The following PANK1 variants were observed in gnomAD, a reference collection of about 807,000 sequenced individuals.
PANK1 encodes the protein pantothenic acid kinase 1.
PANK1 carries 18 observed loss-of-function variants against 40.1 expected under a neutral mutation model. The ratio of observed to expected loss-of-function variants is 0.45; its 90% confidence interval spans 0.31 to 0.67. The LOEUF is 0.67. PANK1 is among the 30% of genes least tolerant of loss of function. The probability of loss-of-function intolerance (pLI) is 0.06; values close to 1 mark genes in which losing one functional copy is unlikely to be tolerated. For missense variants in PANK1, 457 were observed against 599.6 expected, an observed-to-expected ratio of 0.76 and a Z score of 2.48; for synonymous variants, 242 against 237.7, an observed-to-expected ratio of 1.02 and a Z score of -0.17.
intron 3 of PANK1, among the ~76,000 whole-genome samples, chr10:89,597,534 C>T (rs1440759531): frequency 1.3e-5 from 2 of 152,198 alleles, no homozygotes; most frequent in Non-Finnish European, 2.9e-5. Context: ...TATTTATAGA[C>T]ATTATTACAC....
At chr10:89,607,885 G>A (rs1316104765) in intron 2 of PANK1, among the ~76,000 whole-genome samples, 2 of 152,056 alleles carry the variant, frequency 1.3e-5, no homozygotes. Context: ...CTTTTTAAAT[G>A]GTGGGAGTTC....
chr10:89,642,924 T>C (rs1406693334), intron 1 of PANK1, among the ~76,000 whole-genome samples: 1 of 152,200 alleles, frequency 6.6e-6, no homozygotes, highest in Non-Finnish European at 1.5e-5. Flanking sequence ...GTAAGAAACA[T>C]AAACCACTTT....
rs545241256 is a variant in PANK1, at chr10:89,583,483, G to A, written c.*923C>T. On this transcript the variant is annotated 3_prime_UTR_variant, in exon 7 of 7. Coordinates refer to ENST00000307534, the MANE Select transcript of PANK1 (RefSeq NM_148977.3). ...CTGATATGAACAATTAATCTACTGG[G>A]AGGCTTTTCCCAATAAGTTTCAAAT... 5 of 152,222 alleles carry A rather than the reference G, an allele frequency of 3.3e-5. No homozygotes were observed. Among genetic ancestry groups the A allele is most frequent in the Admixed American group, 6.5e-5 (1 of 15,292 alleles). The allele number at this position is 152,222 out of a possible 1,614,324, so 9.4% of individuals were successfully genotyped here.
At chr10:89,640,406 CACACACACAA>C (rs2133036252) in intron 1 of PANK1, among the ~76,000 whole-genome samples, 1 of 151,940 alleles carries the variant, frequency 6.6e-6, no homozygotes, top group South Asian at 2.1e-4. Context: ...CACACACACA[CACACACACAA>C]ACACACACAC....
chr10:89,633,808 C>A (rs755262191), intron 1 of PANK1, among the ~76,000 whole-genome samples: 1 of 152,162 alleles, frequency 6.6e-6, no homozygotes, highest in Non-Finnish European at 1.5e-5. Context: ...ATCATTAAAT[C>A]TCAGAGTTCA....
At chr10:89,631,598 T>C (rs981738830) in intron 1 of PANK1, among the ~76,000 whole-genome samples, 1 of 152,208 alleles carries the variant, frequency 6.6e-6, no homozygotes, top group Non-Finnish European at 1.5e-5. Flanking sequence ...TGTTCTTTAG[T>C]TCTTAATCTA....
chr10:89,639,292 T>C (rs751658258), intron 1 of PANK1: 3 of 428,972 alleles, frequency 7.0e-6, no homozygotes, highest in African/African-American at 2.0e-5. Context: ...CCTTTTACAA[T>C]TGGCATTAAC....
At chr10:89,641,037 T>C (rs1216996884) in intron 1 of PANK1, among the ~76,000 whole-genome samples, 1 of 152,210 alleles carries the variant, frequency 6.6e-6, no homozygotes, top group Non-Finnish European at 1.5e-5. Flanking sequence ...GTACAATTCA[T>C]AGCTTAATTG....
chr10:89,588,913 C>T (rs1410183761), intron 5 of PANK1, 136 bp from the exon 6 acceptor site: 1 of 566,680 alleles, frequency 1.8e-6, no homozygotes, highest in African/African-American at 2.0e-5. Context: ...ATTATTTCAA[C>T]ATCGCCAAAA....
chr10:89,603,200 A>G (rs745912441), intron 2 of PANK1, among the ~76,000 whole-genome samples: 9 of 152,194 alleles, frequency 5.9e-5, no homozygotes, highest in Non-Finnish European at 1.2e-4. Context: ...ACTAATTTCC[A>G]TCGTATAATC....
chr10:89,629,652 C>T (rs907863731), intron 1 of PANK1, among the ~76,000 whole-genome samples: 3 of 152,174 alleles, frequency 2.0e-5, no homozygotes, highest in African/African-American at 7.2e-5. Context: ...TTAATGAGAA[C>T]AGTGATGCTT....
intron 1 of PANK1, among the ~76,000 whole-genome samples, chr10:89,640,600 T>C (rs1047092817): frequency 3.3e-5 from 5 of 152,202 alleles, no homozygotes; most frequent in African/African-American, 1.2e-4. Context: ...GCTTACCTAT[T>C]AAACCTAAAG....
chr10:89,606,509 G>T (rs1844970237), intron 2 of PANK1, among the ~76,000 whole-genome samples: 1 of 152,006 alleles, frequency 6.6e-6, no homozygotes, highest in Non-Finnish European at 1.5e-5. Flanking sequence ...AACAACCTCT[G>T]CTACCTTCCC....
At chr10:89,615,110 T>C (rs768000916) in intron 1 of PANK1, among the ~76,000 whole-genome samples, 8 of 152,096 alleles carry the variant, frequency 5.3e-5, no homozygotes, top group Non-Finnish European at 1.0e-4. Context: ...GGAAAAGGGA[T>C]GGAGAAAATT....
At chr10:89,637,812 ATT>A (rs1841864463) in intron 1 of PANK1, among the ~76,000 whole-genome samples, 1 of 152,218 alleles carries the variant, frequency 6.6e-6, no homozygotes, top group Non-Finnish European at 1.5e-5. Flanking sequence ...AATTTTAAAA[ATT>A]TTTTGACTCT....
At chr10:89,643,990 C>T (rs1842037100) in intron 1 of PANK1, 3 of 634,462 alleles carry the variant, frequency 4.7e-6, no homozygotes, top group African/African-American at 1.8e-5. Context: ...CACATAGTTC[C>T]GGCCCACATG....
downstream of PANK1, chr10:89,580,819 A>G (rs1844038204): frequency 6.6e-6 from 1 of 152,152 alleles, no homozygotes. Flanking sequence ...TTCATTTGCC[A>G]GGAGTGAAAA....
chr10:89,640,365 C>A (rs1310487217), intron 1 of PANK1, among the ~76,000 whole-genome samples: 5 of 149,944 alleles, frequency 3.3e-5, no homozygotes, highest in Non-Finnish European at 5.9e-5. Flanking sequence ...TCATCTACTA[C>A]TCTCAAATGT....
intron 6 of PANK1, 44 bp downstream of exon 6, chr10:89,588,608 A>C: frequency 6.7e-7 from 1 of 1,481,826 alleles, no homozygotes; most frequent in Non-Finnish European, 9.0e-7. Flanking sequence ...CCAAACCAAA[A>C]TATACTCCAC....
Sources: allele counts gnomAD v4.1 joint callset (sites outside exome capture counted in the v4.1 genomes callset), GRCh38; gene constraint gnomAD v4.1.1; transcripts MANE v1.5; gene names NCBI Gene and HGNC (gene_info 2026-07-23, HGNC 2026-07-21).